Variants in NBPF11 observed in about 807,000 individuals in gnomAD.
The protein encoded by NBPF11 is NBPF member 11, also known as NBPF family member NBPF11.
In NBPF11, 72 loss-of-function variants were observed where a neutral mutation model predicts 93.9. The ratio of observed to expected loss-of-function variants is 0.77; its 90% CI spans 0.63 to 0.93. NBPF11 has a LOEUF of 0.93. Among genes scored for constraint, NBPF11 ranks in the 40% least tolerant of loss-of-function variants. The pLI is 0.00. For missense variants in NBPF11, 705 were observed against 802.2 expected, an observed-to-expected ratio of 0.88 and a Z score of 1.46; for synonymous variants, 224 against 304.9, an observed-to-expected ratio of 0.73 and a Z score of 2.76.
chr1:148,111,673 G>A (rs1332948506), intron 15 of NBPF11, among the ~76,000 whole-genome samples: 4 of 151,598 alleles, frequency 2.6e-5, no homozygotes, highest in Non-Finnish European at 5.9e-5. Flanking sequence ...GATCAAATTA[G>A]TGAAATGAAG....
intron 2 of NBPF11, among the ~76,000 whole-genome samples, chr1:148,138,114 T>TGG (rs1671632360): frequency 6.7e-6 from 1 of 150,206 alleles, no homozygotes; most frequent in African/African-American, 2.5e-5. Flanking sequence ...TGTCTCTGCA[T>TGG]CATAAACAAG....
chr1:148,105,761 G>C (rs61807289), intron 21 of NBPF11, among the ~76,000 whole-genome samples: 4 of 89,356 alleles, frequency 4.5e-5, no homozygotes, highest in African/African-American at 3.4e-4. Context: ...CACACACAAA[G>C]ACACACACAC....
intron 10 of NBPF11, among the ~76,000 whole-genome samples, chr1:148,119,530 C>G (rs1316754900): frequency 1.3e-5 from 2 of 151,852 alleles, no homozygotes; most frequent in Admixed American, 1.3e-4. Flanking sequence ...GCTCTGTACA[C>G]TGCACTGCTA....
intron 1 of NBPF11, among the ~76,000 whole-genome samples, chr1:148,150,796 C>T (rs1436562262): frequency 5.3e-5 from 8 of 150,486 alleles, no homozygotes; most frequent in African/African-American, 1.7e-4. Context: ...CAAGATATCT[C>T]CGCTCACTGC....
chr1:148,148,866 C>G (rs1451434422), intron 1 of NBPF11, among the ~76,000 whole-genome samples: 4 of 151,670 alleles, frequency 2.6e-5, no homozygotes, highest in Admixed American at 1.3e-4. Flanking sequence ...CCAGGGCCTC[C>G]CTTACCCCCG....
At position 148,108,530 on chromosome 1, in the gene NBPF11, A is replaced by C. The variant is rs1558127346; in HGVS notation, c.1978T>G (p.Phe660Val). The C allele has an allele frequency of 6.2e-7, 1 of 1,601,584 alleles. No individual in the cohort carries two copies. The highest frequency in any genetic ancestry group is 8.5e-7 in the Non-Finnish European group (1 of 1,171,332). ...TDSCQPYRSAFYVLEQQRIGL... is the reference protein window; with the variant it reads ...TDSCQPYRSAVYVLEQQRIGL... ...ATACGCTGTTGCTCCAATACGTAAA[A>C]GGCACTTCTGTAGGGCTGGCATGAG... is the stretch of plus-strand genomic sequence containing the variant. The change falls in exon 18 of 24, where the codon TTT (phenylalanine) becomes GTT (valine). Residue 660 changes from phenylalanine (F) to valine (V), a missense_variant. Phe to Val is a conservative substitution (Grantham distance 50, BLOSUM62 -1). Coordinates refer to ENST00000682118, the MANE Select transcript of NBPF11 (RefSeq NM_001385469.3).
In NBPF11 at chr1:148,103,942, G is replaced by A. The variant is rs1662892429; in HGVS notation, c.2582-30C>T. 1.2e-5 allele frequency: 20 copies of A among 1,610,530 alleles called. 1 individual carries two copies. The South Asian group carries it at 1.9e-4, about 15-fold the overall frequency. The stretch of plus-strand genomic sequence containing the variant: ...AAAAGGAGACAAAACTAAAGAAGCA[G>A]CCAGGGAAAATCAGACACCACAGAG... On this transcript the variant is annotated intron_variant, in intron 23 of 23. Coordinates refer to ENST00000682118, the MANE Select transcript of NBPF11 (RefSeq NM_001385469.3).
chr1:148,122,390 C>T, intron 8 of NBPF11, 124 bp from the exon 9 acceptor site: 1 of 1,510,612 alleles, frequency 6.6e-7, no homozygotes. Flanking sequence ...AATGGAGGTT[C>T]CCTTTAAGAG....
chr1:148,135,954 C>T (rs1173127293), intron 3 of NBPF11, 141 bp from the exon 4 acceptor site: 25 of 649,390 alleles, frequency 3.8e-5, no homozygotes, highest in South Asian at 3.0e-4. Context: ...GGATTCTTTA[C>T]ATGATTAAAC....
intron 1 of NBPF11, among the ~76,000 whole-genome samples, chr1:148,143,907 G>A (rs202203601): frequency 0.17 from 24,829 of 144,708 alleles, 2,154 homozygotes; most frequent in African/African-American, 0.26. Flanking sequence ...TAAAAAATGA[G>A]AAATTAGCCG....
rs1452297254 is a variant in NBPF11 at position 148,110,384 on chromosome 1, T to C, written c.1795A>G (p.Ile599Val). ...EEQQVCMAVD[I>V]GRHRWDQVKK... is the part of the protein sequence containing the mutation. Reference sequence around the variant, plus strand: ...TTCACAATGGAGTACTCACTGCCTATGTCAACAGCCATGCAGACTTGCTGT... The same window carrying C: ...TTCACAATGGAGTACTCACTGCCTACGTCAACAGCCATGCAGACTTGCTGT... The change falls in exon 16 of 24, where the codon ATA (isoleucine) becomes GTA (valine). Residue 599 changes from isoleucine to valine, a missense_variant. This residue lies in a region of NBPF11 where 8 missense variants were observed against 24.7 expected (regional missense o/e 0.32). Coordinates refer to ENST00000682118, the MANE Select transcript of NBPF11 (RefSeq NM_001385469.3). 2 of 1,587,228 alleles carry C rather than the reference T, an allele frequency of 1.3e-6. No individual in the cohort carries two copies. Among genetic ancestry groups the C allele is most frequent in the African/African-American group, 2.7e-5 (2 of 74,008 alleles).
intron 17 of NBPF11, among the ~76,000 whole-genome samples, chr1:148,108,998 G>T (rs1332129219): frequency 6.6e-6 from 1 of 151,216 alleles, no homozygotes; most frequent in African/African-American, 2.4e-5. Context: ...TGAAAAGCAT[G>T]GCCTCAATAA....
At position 148,147,820 on chromosome 1, in the gene NBPF11, C is replaced by T. The variant is rs1246315228; in HGVS notation, c.-549+3930G>A. On this transcript the variant is annotated intron_variant, in intron 1 of 23. Coordinates refer to ENST00000682118, the MANE Select transcript of NBPF11 (RefSeq NM_001385469.3). ...CGCTGACACCAATCACCACTTCATG[C>T]GGCTTCCTCGGCCCCTCCTGTCTCT... Among the ~76,000 whole-genome samples, 43 of 152,130 alleles carry T rather than the reference C, an allele frequency of 2.8e-4. 1 individual carries two copies. Among genetic ancestry groups the T allele is most frequent in the African/African-American group, 9.4e-4 (39 of 41,396 alleles).
At chr1:148,122,633 G>A (rs1174761966) in intron 8 of NBPF11, 96 bp downstream of exon 8, 28 of 1,543,672 alleles carry the variant, frequency 1.8e-5, no homozygotes, top group African/African-American at 5.5e-5. Context: ...AAGGGAATGC[G>A]GGCTTTTGGC....
Position 148,103,388 on chromosome 1 carries a change from T to C in NBPF11, c.*508A>G. 2.1e-6 allele frequency: 1 copy of C among 482,282 alleles called. No homozygotes were observed. Among genetic ancestry groups the C allele is most frequent in the Non-Finnish European group, 3.7e-6 (1 of 269,808 alleles). The allele number at this position is 482,282 out of a possible 1,614,324, so 29.9% of individuals were successfully genotyped here. A position where few individuals can be genotyped will look rare whatever the true frequency, so the allele number is the denominator to read the frequency against. The stretch of plus-strand genomic sequence containing the variant: ...TGCAAAATGAAATCCCTGAGGAATT[T>C]TGTAGCTACCCAGAGATACGTGGTT... On this transcript the variant is annotated 3_prime_UTR_variant, in exon 24 of 24. Transcript: ENST00000682118.
At chr1:148,108,407 G>A (rs1432353476) in intron 18 of NBPF11, 75 bp downstream of exon 18, 6 of 935,248 alleles carry the variant, frequency 6.4e-6, no homozygotes, top group South Asian at 1.3e-5. Flanking sequence ...CTCAGTAAGG[G>A]CCACTTGCAG....
At position 148,148,201 on chromosome 1, in the gene NBPF11, G is replaced by C. The variant is rs1476368126; in HGVS notation, c.-549+3549C>G. On this transcript the variant is annotated intron_variant, in intron 1 of 23. Transcript: ENST00000682118. ...ATGGGTGAGTGGCGAGCTGTGGAGTGCTGCCAGGAGGCTGGGATTCCAGGC... is the reference window on the plus strand; with the variant it reads ...ATGGGTGAGTGGCGAGCTGTGGAGTCCTGCCAGGAGGCTGGGATTCCAGGC... Among the ~76,000 whole-genome samples, 241 of 152,334 alleles carry C rather than the reference G, an allele frequency of 1.6e-3. 1 individual carries two copies. The highest frequency in any genetic ancestry group is 5.6e-3 in the African/African-American group (233 of 41,546).
chr1:148,147,790 T>C (rs1673432315), intron 1 of NBPF11, among the ~76,000 whole-genome samples: 1 of 151,912 alleles, frequency 6.6e-6, no homozygotes, highest in Non-Finnish European at 1.5e-5. Context: ...CCGGCAGTTG[T>C]GGGACGCTGA....
chr1:148,117,133 C>G (rs1258375926), intron 12 of NBPF11, among the ~76,000 whole-genome samples: 4 of 151,866 alleles, frequency 2.6e-5, no homozygotes, highest in Non-Finnish European at 4.4e-5. Context: ...TTGAATGCTT[C>G]AGACCTTGCA....
Sources: gnomAD v4.1 joint callset for allele counts (sites outside exome capture counted in the v4.1 genomes callset) on GRCh38, gnomAD v4.1.1 for gene constraint, gnomAD v4.1.1 regional missense constraint, MANE v1.5 for transcripts, NCBI Gene and HGNC (gene_info 2026-07-23, HGNC 2026-07-21) for gene names.